The following TSPAN1 variants were observed in gnomAD, a reference collection of about 807,000 sequenced individuals.
TSPAN1 encodes tetraspanin 1, also known as tetraspanin-1.
In TSPAN1, 23 loss-of-function variants were observed where a neutral mutation model predicts 26.9. That is an observed-to-expected ratio of 0.85 (90% CI 0.62 to 1.21). TSPAN1 has a LOEUF of 1.21. Ranked by LOEUF, TSPAN1 falls within the 50% of genes most tolerant of loss-of-function variation. The probability of loss-of-function intolerance (pLI) is 0.00; values close to 1 mark genes in which losing one functional copy is unlikely to be tolerated. For synonymous variants in TSPAN1, 115 were observed against 114.8 expected (o/e 1.00, Z -0.01); for missense variants, 283 against 298.4 (o/e 0.95, Z 0.38).
At chr1:46,182,634 C>G (rs1377706101) in intron 3 of TSPAN1, among the ~76,000 whole-genome samples, 1 of 152,080 alleles carries the variant, frequency 6.6e-6, no homozygotes, top group East Asian at 1.9e-4. Flanking sequence ...CACTTGAACC[C>G]AGGAGGCGGA....
At chr1:46,187,839 C>T (rs1365185222), downstream of TSPAN1, among the ~76,000 whole-genome samples, 1 of 152,172 alleles carries the variant, frequency 6.6e-6, no homozygotes, top group Non-Finnish European at 1.5e-5. Context: ...CCCATGCTGT[C>T]ACCGAGTTGG....
At chr1:46,192,719 C>T in the TSPAN1 span, 1 of 1,597,240 alleles carries the variant, frequency 6.3e-7, no homozygotes, top group South Asian at 1.1e-5. Flanking sequence ...CCCCAAATCC[C>T]CACTGTCTCC....
intron 4 of TSPAN1, 88 bp from the exon 5 acceptor site, chr1:46,184,506 T>G: frequency 6.2e-7 from 1 of 1,603,252 alleles, no homozygotes; most frequent in Non-Finnish European, 8.5e-7. Context: ...CTCAGGCTTC[T>G]GTCTCACTTT....
the TSPAN1 span, chr1:46,193,029 C>G: frequency 1.9e-6 from 3 of 1,606,418 alleles, no homozygotes; most frequent in Non-Finnish European, 2.6e-6. Context: ...GCCCCCAACC[C>G]TCTTCTTGCA....
the TSPAN1 span, chr1:46,194,217 G>GC: frequency 2.5e-6 from 4 of 1,613,592 alleles, no homozygotes; most frequent in Non-Finnish European, 3.4e-6. Flanking sequence ...CATTCCTGGG[G>GC]CCCCCCTGCT....
intron 3 of TSPAN1, 156 bp from the exon 4 acceptor site, chr1:46,184,035 G>T: frequency 1.4e-6 from 1 of 731,490 alleles, no homozygotes; most frequent in Non-Finnish European, 2.3e-6. Flanking sequence ...CATTTTTCTG[G>T]CTCTAGAGGA....
the TSPAN1 span, chr1:46,193,878 C>A: frequency 6.2e-7 from 1 of 1,614,146 alleles, no homozygotes; most frequent in Non-Finnish European, 8.5e-7. Flanking sequence ...TGGGTCGGTT[C>A]CCTGCAATGA....
the TSPAN1 span, chr1:46,196,105 C>A: frequency 6.2e-7 from 1 of 1,613,658 alleles, no homozygotes; most frequent in Non-Finnish European, 8.5e-7. The surrounding 1 kb of genome is among the most constrained non-coding windows in gnomAD (Gnocchi z 4.4). Context: ...CAAAGTCCAG[C>A]TTTTCACTCT....
intron 1 of TSPAN1, chr1:46,176,579 T>C: frequency 7.4e-7 from 1 of 1,354,516 alleles, no homozygotes; most frequent in Non-Finnish European, 9.8e-7. Flanking sequence ...TTATTACAAG[T>C]CGTGGGCCCT....
the TSPAN1 span, chr1:46,193,547 C>G: frequency 6.2e-7 from 1 of 1,614,178 alleles, no homozygotes; most frequent in Admixed American, 1.7e-5. Context: ...CCGAGGCACC[C>G]CCCAAGTCCT....
In TSPAN1 at chr1:46,185,244, T is replaced by C. The variant is rs1433453155; in HGVS notation, c.614T>C (p.Leu205Ser). 1 of 1,614,032 alleles carries C rather than the reference T, an allele frequency of 6.2e-7. No homozygotes were observed. Among genetic ancestry groups the C allele is most frequent in the East Asian group, 2.2e-5 (1 of 44,894 alleles). Residue 205 changes from leucine (L) to serine (S), a missense_variant, in exon 8 of 9, where the codon TTG (leucine) becomes TCG (serine). By Grantham distance (145) the Leu-to-Ser change is moderately radical. Coordinates refer to ENST00000372003, the MANE Select transcript of TSPAN1 (RefSeq NM_005727.4). ...QKVEGCFNQL[L>S]YDIRTNAVTV... ...CTGAAGGGTTGCTTCAATCAGCTTTTGTATGACATCCGAACTAATGCAGTC... is the reference window on the plus strand; with the variant it reads ...CTGAAGGGTTGCTTCAATCAGCTTTCGTATGACATCCGAACTAATGCAGTC...
the TSPAN1 span, chr1:46,196,140 G>C: frequency 6.2e-7 from 1 of 1,611,440 alleles, no homozygotes; most frequent in Non-Finnish European, 8.5e-7. This position sits in a 1 kb window ranked among gnomAD's most constrained non-coding sequence, Gnocchi z 4.4. Context: ...CTCTGTCTTA[G>C]GGGTACTTAA....
At chr1:46,188,674 C>G (rs1657501441), downstream of TSPAN1, 2 of 1,575,530 alleles carry the variant, frequency 1.3e-6, no homozygotes, top group South Asian at 2.3e-5. Flanking sequence ...ATCACAATCA[C>G]AAGACATCCC....
the TSPAN1 span, chr1:46,192,283 C>T: frequency 1.2e-6 from 2 of 1,614,120 alleles, no homozygotes; most frequent in Non-Finnish European, 8.5e-7. Flanking sequence ...GGACTCCAGC[C>T]CCCTCACCCT....
intron 3 of TSPAN1, among the ~76,000 whole-genome samples, chr1:46,182,316 A>G (rs1004812169): frequency 1.4e-5 from 2 of 147,322 alleles, no homozygotes; most frequent in African/African-American, 4.9e-5. Flanking sequence ...AAAAAAAAAA[A>G]AGCCACTGTG....
chr1:46,194,353 C>T, the TSPAN1 span: 15 of 1,614,096 alleles, frequency 9.3e-6, no homozygotes, highest in East Asian at 4.5e-5. Context: ...GCTGCAGAAG[C>T]GCCGGCGGCG....
At chr1:46,176,290 C>G in intron 1 of TSPAN1, 2 of 1,535,810 alleles carry the variant, frequency 1.3e-6, no homozygotes, top group Non-Finnish European at 1.7e-6. Flanking sequence ...ACCCATGGCC[C>G]TGGTGGCAGG....
downstream of TSPAN1, among the ~76,000 whole-genome samples, chr1:46,187,062 C>A (rs1657449663): frequency 6.6e-6 from 1 of 152,252 alleles, no homozygotes; most frequent in African/African-American, 2.4e-5. Flanking sequence ...CATGCCTCAG[C>A]CTCCCAAAGA....
chr1:46,176,440 C>T lies in TSPAN1; in HGVS notation c.-142+1031C>T, dbSNP rs1000804489. 23 of 1,535,620 alleles carry T rather than the reference C, an allele frequency of 1.5e-5. No homozygotes were observed. In the Admixed American group the frequency reaches 2.9e-4, roughly 20 times the overall value. Reference sequence around the variant, plus strand: ...GTAGGGGGAACGCATGCCCTGGGGCCGAGGGCCACGGACAAGCCGAGATGG... The same window carrying T: ...GTAGGGGGAACGCATGCCCTGGGGCTGAGGGCCACGGACAAGCCGAGATGG... On this transcript the variant is annotated intron_variant, in intron 1 of 8. Transcript: ENST00000372003.
Sources: gnomAD v4.1 joint callset for allele counts (sites outside exome capture counted in the v4.1 genomes callset) on GRCh38, gnomAD v4.1.1 for gene constraint, Gnocchi (gnomAD v3.1) non-coding constraint, MANE v1.5 for transcripts, NCBI Gene and HGNC (gene_info 2026-07-23, HGNC 2026-07-21) for gene names.